The following THBS4 variants were observed in gnomAD, a reference collection of about 807,000 sequenced individuals.
THBS4 encodes thrombospondin-4.
A neutral mutation model predicts 115.7 loss-of-function variants in THBS4; 90 were observed. The observed-to-expected ratio is 0.78, with a 90% confidence interval of 0.66 to 0.93. The LOEUF (loss-of-function observed/expected upper bound fraction) is 0.93, where lower values mean the gene tolerates loss of function less well. THBS4 is among the 40% of genes least tolerant of loss of function. THBS4 has a pLI of 0.00. For synonymous variants in THBS4, 460 were observed against 479.3 expected, an observed-to-expected ratio of 0.96 and a Z score of 0.53; for missense variants, 1,087 against 1,232.7, an observed-to-expected ratio of 0.88 and a Z score of 1.77.
Position 80,055,770 on chromosome 5 carries a change from T to C in THBS4, c.293-15T>C. 1 of 1,606,166 alleles carries C rather than the reference T, an allele frequency of 6.2e-7. No individual in the cohort carries two copies. The highest frequency in any genetic ancestry group is 1.3e-5 in the African/African-American group (1 of 74,984). On this transcript the variant is annotated splice_polypyrimidine_tract_variant and intron_variant, in intron 2 of 21. Coordinates refer to ENST00000350881, the MANE Select transcript of THBS4 (RefSeq NM_003248.6). ...CCACTTATCACACCATTGGTTGACCTGTGCTTGCTTCCAGCCATCCTCCGT... is the reference window on the plus strand; with the variant it reads ...CCACTTATCACACCATTGGTTGACCCGTGCTTGCTTCCAGCCATCCTCCGT...
upstream of THBS4, among the ~76,000 whole-genome samples, chr5:80,030,374 A>AT (rs1052484408): frequency 2.2e-4 from 33 of 147,048 alleles, no homozygotes; most frequent in Middle Eastern, 3.5e-3. Context: ...TAATTTTTTA[A>AT]TTTTTTTTTT....
intron 2 of THBS4, among the ~76,000 whole-genome samples, chr5:80,007,394 C>T (rs1426999648): frequency 4.6e-5 from 7 of 152,212 alleles, no homozygotes; most frequent in Non-Finnish European, 7.3e-5. Context: ...CAAAGGGCAG[C>T]CTTTGTGTTG....
At chr5:79,997,746 G>A (rs1371166504) in intron 1 of THBS4, among the ~76,000 whole-genome samples, 1 of 152,130 alleles carries the variant, frequency 6.6e-6, no homozygotes, top group Non-Finnish European at 1.5e-5. Flanking sequence ...AGGCTATTAT[G>A]AGTCATAAAG....
chr5:79,996,507 A>G lies in THBS4; in HGVS notation n.82-1825A>G, dbSNP rs1313098424. Among the ~76,000 whole-genome samples, 6 of 151,976 alleles carry G rather than the reference A, an allele frequency of 3.9e-5. No individual in the cohort carries two copies. In the East Asian group the frequency reaches 1.2e-3, roughly 29 times the overall value. ...TGCCCCAGGAATTGAAAGAAGATGAACTCTGTAGCTTCAGCATGATGGGGG... is the reference window on the plus strand; with the variant it reads ...TGCCCCAGGAATTGAAAGAAGATGAGCTCTGTAGCTTCAGCATGATGGGGG... On this transcript the variant is annotated intron_variant and non_coding_transcript_variant, in intron 1 of 3. Transcript: ENST00000510218.
At chr5:80,026,647 C>T (rs1435961476) in intron 2 of THBS4, among the ~76,000 whole-genome samples, 4 of 152,206 alleles carry the variant, frequency 2.6e-5, no homozygotes, top group African/African-American at 9.7e-5. Context: ...ATTTGAATTT[C>T]ACATGATTTT....
intron 1 of THBS4, among the ~76,000 whole-genome samples, chr5:79,995,171 A>G (rs1465720583): frequency 1.3e-5 from 2 of 152,236 alleles, no homozygotes; most frequent in Non-Finnish European, 2.9e-5. Context: ...TATAGTTTTG[A>G]GAAAGTAAAG....
At chr5:80,028,097 CCCAG>C (rs1832516265) in intron 2 of THBS4, among the ~76,000 whole-genome samples, 1 of 151,510 alleles carries the variant, frequency 6.6e-6, no homozygotes, top group Non-Finnish European at 1.5e-5. Flanking sequence ...CACCTGCAAT[CCCAG>C]CTACACAGGA....
At chr5:80,034,466 A>T (rs765287857), upstream of THBS4, among the ~76,000 whole-genome samples, 1 of 152,198 alleles carries the variant, frequency 6.6e-6, no homozygotes, top group South Asian at 2.1e-4. Flanking sequence ...AATTTTTGCC[A>T]CTGTTTATCA....
intron 20 of THBS4, among the ~76,000 whole-genome samples, chr5:80,081,029 T>C (rs1217352056): frequency 3.9e-5 from 6 of 152,216 alleles, no homozygotes; most frequent in South Asian, 2.1e-4. Context: ...TTTTTAAGTA[T>C]TCTCGGGAGT....
chr5:80,032,539 C>T (rs1009538802), upstream of THBS4, among the ~76,000 whole-genome samples: 1 of 140,288 alleles, frequency 7.1e-6, no homozygotes, highest in Non-Finnish European at 1.5e-5. Flanking sequence ...AGACTGAGTC[C>T]CAACACCTCA....
rs140696741 is a variant in THBS4 at position 80,029,811 on chromosome 5, A to T, written n.178-10266A>T. On this transcript the variant is annotated intron_variant and non_coding_transcript_variant, in intron 2 of 3. Transcript: ENST00000510218. Reference sequence around the variant, plus strand: ...CGTCTCTACTAAAAATACAAAAAAAAAAAAAAAAATTAGCCGGGCATGGTG... The same window carrying T: ...CGTCTCTACTAAAAATACAAAAAAATAAAAAAAAATTAGCCGGGCATGGTG... Among the ~76,000 whole-genome samples, 961 of 151,312 alleles carry T rather than the reference A, an allele frequency of 6.4e-3. 10 individuals carry two copies. Among genetic ancestry groups the T allele is most frequent in the African/African-American group, 0.021 (857 of 41,192 alleles).
intron 1 of THBS4, among the ~76,000 whole-genome samples, chr5:80,038,422 A>G (rs1832785516): frequency 6.6e-6 from 1 of 152,172 alleles, no homozygotes; most frequent in African/African-American, 2.4e-5. Flanking sequence ...TGGAAGAATC[A>G]AAATGTATTT....
intron 1 of THBS4, chr5:80,036,049 C>T: frequency 1.0e-6 from 1 of 993,330 alleles, no homozygotes; most frequent in African/African-American, 1.7e-5. Flanking sequence ...AGAGTCTGCT[C>T]TTGACATCCC....
At chr5:80,045,428 A>G (rs2112048858) in intron 2 of THBS4, among the ~76,000 whole-genome samples, 1 of 152,298 alleles carries the variant, frequency 6.6e-6, no homozygotes, top group South Asian at 2.1e-4. Flanking sequence ...AAAGAGAAAT[A>G]TAGATTAAGA....
chr5:80,035,634 G>A lies in THBS4; in HGVS notation c.88+9G>A. On this transcript the variant is annotated intron_variant, in intron 1 of 21. Coordinates refer to ENST00000350881, the MANE Select transcript of THBS4 (RefSeq NM_003248.6). The surrounding 1 kb of genome is among the most constrained non-coding windows in gnomAD (Gnocchi z 4.6). The stretch of plus-strand genomic sequence containing the variant: ...CCAGGCCACCCCCCAGGGTAAGTGG[G>A]TTCGGGTCGGGCCTGGGAGCGCCGG... The A allele has an allele frequency of 1.5e-6, 2 of 1,346,420 alleles. No homozygotes were observed. The highest frequency in any genetic ancestry group is 1.9e-6 in the Non-Finnish European group (2 of 1,047,108). 83.4% of individuals were successfully genotyped at this position (1,346,420 alleles called of 1,614,324 possible).
intron 1 of THBS4, among the ~76,000 whole-genome samples, chr5:80,038,872 G>A (rs1832800298): frequency 6.6e-6 from 1 of 152,130 alleles, no homozygotes; most frequent in Non-Finnish European, 1.5e-5. Context: ...TTACACAGTG[G>A]TACAGAGAGT....
intron 2 of THBS4, among the ~76,000 whole-genome samples, chr5:80,041,561 G>T (rs1017848338): frequency 6.6e-6 from 1 of 152,130 alleles, no homozygotes; most frequent in African/African-American, 2.4e-5. Context: ...GGATGAATAG[G>T]GCTCTTTTCT....
At chr5:80,061,052 T>C (rs1833616300) in intron 7 of THBS4, among the ~76,000 whole-genome samples, 1 of 152,196 alleles carries the variant, frequency 6.6e-6, no homozygotes, top group South Asian at 2.1e-4. Context: ...GAGAAACAAC[T>C]GCATACATTT....
chr5:80,001,836 T>C (rs759956806), intron 2 of THBS4, among the ~76,000 whole-genome samples: 3 of 152,144 alleles, frequency 2.0e-5, no homozygotes, highest in Admixed American at 6.5e-5. Context: ...AGGGTAAATA[T>C]CTTGTTTCAA....
Sources: allele counts gnomAD v4.1 joint callset (sites outside exome capture counted in the v4.1 genomes callset), GRCh38; gene constraint gnomAD v4.1.1; non-coding constraint Gnocchi (gnomAD v3.1); transcripts MANE v1.5; gene names NCBI Gene and HGNC (gene_info 2026-07-23, HGNC 2026-07-21).